PTPRU: variants seen among roughly 807,000 people sequenced by gnomAD.
PTPRU encodes receptor-type tyrosine-protein phosphatase U.
In PTPRU, 69 loss-of-function variants were observed where a neutral mutation model predicts 166.3. The ratio of observed to expected loss-of-function variants is 0.41; its 90% CI spans 0.34 to 0.51. PTPRU has a LOEUF of 0.51. PTPRU is among the 20% of genes least tolerant of loss of function. The pLI is 0.09. For synonymous variants in PTPRU, 793 were observed against 814.0 expected, an observed-to-expected ratio of 0.97 and a Z score of 0.44; for missense variants, 1,657 against 2,013.7, an observed-to-expected ratio of 0.82 and a Z score of 3.39.
Position 29,315,565 on chromosome 1 carries a change from G to T in PTPRU, c.3363+58G>T. 6.2e-7 allele frequency: 1 copy of T among 1,606,834 alleles called. No individual in the cohort carries two copies. Among genetic ancestry groups the T allele is most frequent in the Admixed American group, 1.7e-5 (1 of 59,982 alleles). ...TACTTCTAGGACTGGAGTTTCTCGTGAAGGATCCTGGAGCCGGCAGAGCAT... is the reference window on the plus strand; with the variant it reads ...TACTTCTAGGACTGGAGTTTCTCGTTAAGGATCCTGGAGCCGGCAGAGCAT... On this transcript the variant is annotated intron_variant, in intron 23 of 29. Transcript: ENST00000373779. The surrounding 1 kb of genome is among the most constrained non-coding windows in gnomAD (Gnocchi z 4.5).
chr1:29,312,529 T>G (rs779340559), intron 21 of PTPRU, 23 bp from the exon 22 acceptor site: 6 of 1,566,278 alleles, frequency 3.8e-6, no homozygotes, highest in Non-Finnish European at 5.2e-6. Context: ...GGACTCTGAT[T>G]ATTATTCCCA....
chr1:29,309,441 C>T (rs1687549310), intron 18 of PTPRU, among the ~76,000 whole-genome samples: 1 of 152,092 alleles, frequency 6.6e-6, no homozygotes, highest in Non-Finnish European at 1.5e-5. Context: ...GACTCAGATT[C>T]TTCACCCCAT....
chr1:29,310,591 C>T (rs943056324), intron 18 of PTPRU, among the ~76,000 whole-genome samples, 153 bp from the exon 19 acceptor site: 7 of 152,028 alleles, frequency 4.6e-5, no homozygotes, highest in African/African-American at 1.7e-4. Context: ...TGGGGGGATG[C>T]AAAGTCATCC....
At chr1:29,277,507 C>T (rs1441194644) in intron 8 of PTPRU, among the ~76,000 whole-genome samples, 1 of 152,144 alleles carries the variant, frequency 6.6e-6, no homozygotes, top group Admixed American at 6.5e-5. Flanking sequence ...TTCATCTTTA[C>T]TTTATGGCCC....
At chr1:29,261,515 T>C (rs1355699511) in intron 7 of PTPRU, among the ~76,000 whole-genome samples, 1 of 152,138 alleles carries the variant, frequency 6.6e-6, no homozygotes, top group Non-Finnish European at 1.5e-5. Flanking sequence ...TTTTTGTGAC[T>C]TTAGTATTGT....
intron 15 of PTPRU, among the ~76,000 whole-genome samples, chr1:29,293,758 G>A (rs1686760259): frequency 6.6e-6 from 1 of 152,216 alleles, no homozygotes; most frequent in Non-Finnish European, 1.5e-5. Context: ...ACAGGCGTGA[G>A]CCACTGCGCC....
In PTPRU at chr1:29,264,475, A is replaced by T. The variant is rs118149766; in HGVS notation, c.1144+3572A>T. Among the ~76,000 whole-genome samples the T allele has an allele frequency of 1.1e-4, 17 of 151,868 alleles. No homozygotes were observed. The East Asian group carries it at 3.3e-3, about 29-fold the overall frequency. On this transcript the variant is annotated intron_variant, in intron 7 of 29. Coordinates refer to ENST00000373779, the MANE Select transcript of PTPRU (RefSeq NM_133178.4). ...TTGATCCACTTTGAGTTAATTTTTCAAATGTGGTGTGAGGTAGGGATCCAA... is the reference window on the plus strand; with the variant it reads ...TTGATCCACTTTGAGTTAATTTTTCTAATGTGGTGTGAGGTAGGGATCCAA...
intron 7 of PTPRU, among the ~76,000 whole-genome samples, chr1:29,261,748 G>C (rs1302763724): frequency 6.6e-6 from 1 of 151,950 alleles, no homozygotes; most frequent in Non-Finnish European, 1.5e-5. Flanking sequence ...GGCCAGGCTG[G>C]TCACAAACTC....
Position 29,259,519 on chromosome 1 carries a change from C to T in PTPRU, c.630C>T (p.Cys210=). Residue 210 remains cysteine, a synonymous_variant, in exon 5 of 30, where the codon TGC becomes TGT. Coordinates refer to ENST00000373779, the MANE Select transcript of PTPRU (RefSeq NM_133178.4). ...VNAGQNASFQ[C]MAAGRAAEAE... The stretch of plus-strand genomic sequence containing the variant: ...CGGGCCAGAACGCGTCGTTCCAGTG[C>T]ATGGCCGCGGGCAGAGCGGCCGAGG... 1.2e-6 allele frequency: 2 copies of T among 1,605,278 alleles called. No homozygotes were observed. The highest frequency in any genetic ancestry group is 1.7e-6 in the Non-Finnish European group (2 of 1,175,450).
Position 29,238,157 on chromosome 1 carries a change from CTT to C in PTPRU, c.73+1442_73+1443del, listed in dbSNP as rs971052041. Among the ~76,000 whole-genome samples the C allele has an allele frequency of 1.6e-4, 24 of 151,936 alleles. No individual in the cohort carries two copies. Among genetic ancestry groups the C allele is most frequent in the African/African-American group, 4.6e-4 (19 of 41,470 alleles). On this transcript the variant is annotated intron_variant, in intron 1 of 29. Coordinates refer to ENST00000373779, the MANE Select transcript of PTPRU (RefSeq NM_133178.4). This position sits in a 1 kb window ranked among gnomAD's most constrained non-coding sequence, Gnocchi z 6.1. ...CCGGGTGTGTTTCGGAGTCTGGTGT[CTT>C]TGGTGTGCGTGCGCGTGTGTGTGTG...
intron 1 of PTPRU, among the ~76,000 whole-genome samples, chr1:29,246,394 A>T (rs1007490093): frequency 1.6e-4 from 25 of 152,154 alleles, no homozygotes; most frequent in African/African-American, 6.0e-4. Context: ...GGGAGTCTAT[A>T]TCTATAGTAC....
intron 1 of PTPRU, among the ~76,000 whole-genome samples, chr1:29,248,452 C>T (rs1167989714): frequency 6.6e-6 from 1 of 152,040 alleles, no homozygotes; most frequent in Non-Finnish European, 1.5e-5. Context: ...ATTCCCCCAC[C>T]CACAACTGGG....
intron 18 of PTPRU, among the ~76,000 whole-genome samples, chr1:29,310,383 G>A (rs1359684884): frequency 6.6e-6 from 1 of 152,080 alleles, no homozygotes; most frequent in Non-Finnish European, 1.5e-5. Flanking sequence ...TGGAACCCTG[G>A]GAACAGGGCA....
In PTPRU at chr1:29,286,131, G is replaced by A. The variant is rs192502857; in HGVS notation, c.2318+1262G>A. On this transcript the variant is annotated intron_variant, in intron 14 of 29. Coordinates refer to ENST00000373779, the MANE Select transcript of PTPRU (RefSeq NM_133178.4). ...CTTGCCTGAGGCCAGACACCAGCAAGAGAGAGAGAGTCTAGGGGTGGAGTG... is the reference window on the plus strand; with the variant it reads ...CTTGCCTGAGGCCAGACACCAGCAAAAGAGAGAGAGTCTAGGGGTGGAGTG... Among the ~76,000 whole-genome samples, 191 of 152,308 alleles carry A rather than the reference G, an allele frequency of 1.3e-3. 1 individual carries two copies. The highest frequency in any genetic ancestry group is 4.3e-3 in the African/African-American group (178 of 41,576).
chr1:29,325,742 C>T lies in PTPRU; in HGVS notation c.*81C>T. On this transcript the variant is annotated 3_prime_UTR_variant, in exon 30 of 30. Transcript: ENST00000373779. ...GACTGGCGAGGAAGATCAGTGCCTC[C>T]TGCTCTGCCCAAACACACTCCCATG... The T allele has an allele frequency of 2.2e-6, 3 of 1,393,324 alleles. No homozygotes were observed. The Admixed American group carries it at 6.3e-5, about 29-fold the overall frequency. 86.3% of individuals were successfully genotyped at this position (1,393,324 alleles called of 1,614,324 possible). A position where few individuals can be genotyped will look rare whatever the true frequency, so the allele number is the denominator to read the frequency against.
intron 7 of PTPRU, among the ~76,000 whole-genome samples, chr1:29,262,025 T>A (rs539231618): frequency 3.5e-4 from 54 of 152,212 alleles, no homozygotes; most frequent in Non-Finnish European, 7.3e-4. Context: ...ACTTTTCTGG[T>A]TTTGCTTGTA....
chr1:29,270,978 A>G (rs1283492842), intron 7 of PTPRU, among the ~76,000 whole-genome samples: 1 of 152,188 alleles, frequency 6.6e-6, no homozygotes, highest in Non-Finnish European at 1.5e-5. Context: ...AAACAAAGAA[A>G]AAAAAGAACT....
At chr1:29,295,746 G>A (rs958680149) in intron 15 of PTPRU, among the ~76,000 whole-genome samples, 1 of 151,998 alleles carries the variant, frequency 6.6e-6, no homozygotes, top group Admixed American at 6.6e-5. Flanking sequence ...GAGTGCAGTG[G>A]CGCAATCTCA....
chr1:29,304,306 C>T (rs1344031537), intron 16 of PTPRU, among the ~76,000 whole-genome samples: 1 of 152,170 alleles, frequency 6.6e-6, no homozygotes, highest in African/African-American at 2.4e-5. Flanking sequence ...TGATCGGGAT[C>T]CTTATTCTGT....
Sources: gnomAD v4.1 joint callset for allele counts (sites outside exome capture counted in the v4.1 genomes callset) on GRCh38, gnomAD v4.1.1 for gene constraint, Gnocchi (gnomAD v3.1) non-coding constraint, MANE v1.5 for transcripts, NCBI Gene and HGNC (gene_info 2026-07-23, HGNC 2026-07-21) for gene names.